Variants in DAB1 observed in about 807,000 individuals in gnomAD.
DAB1 encodes the protein disabled homolog 1.
Under a neutral mutation model 64.6 loss-of-function variants are expected in DAB1, and 15 were observed. That is an observed-to-expected ratio of 0.23 (90% confidence interval 0.16 to 0.36). The LOEUF is 0.36. Among genes scored for constraint, DAB1 ranks in the 10% least tolerant of loss-of-function variants. The probability of loss-of-function intolerance (pLI) is 1.00; values close to 1 mark genes in which losing one functional copy is unlikely to be tolerated. For missense variants in DAB1, 596 were observed against 706.7 expected, an observed-to-expected ratio of 0.84 and a Z score of 1.78; for synonymous variants, 235 against 251.9, an observed-to-expected ratio of 0.93 and a Z score of 0.64.
intron 5 of DAB1, among the ~76,000 whole-genome samples, chr1:57,896,936 A>T (rs1313717123): frequency 6.6e-6 from 1 of 152,122 alleles, no homozygotes; most frequent in Non-Finnish European, 1.5e-5. Context: ...AGATGTCAAC[A>T]CTCTCATTAT....
At position 57,071,465 on chromosome 1, in the gene DAB1, T is replaced by A. The variant is rs759508268; in HGVS notation, c.558+57A>T. 3.8e-6 allele frequency: 6 copies of A among 1,578,040 alleles called. No homozygotes were observed. In the Admixed American group the frequency reaches 1.2e-4, roughly 32 times the overall value. ...AAGAGAAGGCCTGACTGTCAGTTTTTACATGTGTTTATTTGAAGGCCCGAT... is the reference window on the plus strand; with the variant it reads ...AAGAGAAGGCCTGACTGTCAGTTTTAACATGTGTTTATTTGAAGGCCCGAT... On this transcript the variant is annotated intron_variant, in intron 6 of 14. Coordinates refer to ENST00000371236, the MANE Select transcript of DAB1 (RefSeq NM_001365792.1).
chr1:57,703,403 A>C (rs2101733650), intron 6 of DAB1, among the ~76,000 whole-genome samples: 1 of 152,350 alleles, frequency 6.6e-6, no homozygotes, highest in South Asian at 2.1e-4. Flanking sequence ...TCAAAAGAAG[A>C]CATACATGCA....
intron 1 of DAB1, among the ~76,000 whole-genome samples, chr1:57,852,932 T>C (rs1653597810): frequency 6.6e-6 from 1 of 152,130 alleles, no homozygotes. Flanking sequence ...TTGTGCTCAA[T>C]AGATATCTGT....
At chr1:57,593,002 A>G (rs1220215794) in intron 7 of DAB1, among the ~76,000 whole-genome samples, 2 of 152,204 alleles carry the variant, frequency 1.3e-5, no homozygotes, top group East Asian at 3.8e-4. Context: ...GACACAGTTC[A>G]GTCCATAACA....
intron 4 of DAB1, among the ~76,000 whole-genome samples, chr1:57,121,976 C>T (rs1463536068): frequency 6.6e-6 from 1 of 152,012 alleles, no homozygotes; most frequent in East Asian, 1.9e-4. Flanking sequence ...TTTTCATAGC[C>T]CCTCCGATAT....
chr1:57,563,378 G>A (rs1054292045), intron 7 of DAB1, among the ~76,000 whole-genome samples: 10 of 152,200 alleles, frequency 6.6e-5, no homozygotes, highest in Non-Finnish European at 7.3e-5. Flanking sequence ...CAGAAGACGG[G>A]TGATTTCTGC....
chr1:58,056,598 T>C, intron 5 of DAB1: 1 of 684,296 alleles, frequency 1.5e-6, no homozygotes, highest in South Asian at 1.6e-5. Flanking sequence ...TTCTCATCAA[T>C]GCCCCAGTGC....
At chr1:57,068,146 C>T (rs1215401564) in intron 8 of DAB1, among the ~76,000 whole-genome samples, 2 of 150,734 alleles carry the variant, frequency 1.3e-5, no homozygotes, top group Non-Finnish European at 3.0e-5. Flanking sequence ...TGCAAAGCTT[C>T]CTTTTATTTA....
chr1:58,020,712 AG>A (rs1646803115), intron 5 of DAB1, among the ~76,000 whole-genome samples: 1 of 152,184 alleles, frequency 6.6e-6, no homozygotes, highest in South Asian at 2.1e-4. Flanking sequence ...CCTCTTAGGA[AG>A]AAAAGACCAG....
chr1:58,280,310 AG>A (rs1468384723), intron 4 of DAB1, among the ~76,000 whole-genome samples: 1 of 152,182 alleles, frequency 6.6e-6, no homozygotes, highest in Non-Finnish European at 1.5e-5. Flanking sequence ...ATTTAGCAGA[AG>A]GGCTGAAGCT....
chr1:57,038,930 A>T (rs1344958596), intron 9 of DAB1, among the ~76,000 whole-genome samples: 1 of 152,210 alleles, frequency 6.6e-6, no homozygotes, highest in African/African-American at 2.4e-5. Flanking sequence ...AGCTGACCTG[A>T]ACGGGCTAAC....
chr1:57,282,907 A>G (rs1334390936), intron 2 of DAB1, among the ~76,000 whole-genome samples: 1 of 152,240 alleles, frequency 6.6e-6, no homozygotes, highest in Non-Finnish European at 1.5e-5. Context: ...GTAGCTAATC[A>G]GTTTCTATGC....
At chr1:57,667,178 G>T (rs1216656404) in intron 6 of DAB1, among the ~76,000 whole-genome samples, 2 of 152,278 alleles carry the variant, frequency 1.3e-5, no homozygotes, top group African/African-American at 4.8e-5. Flanking sequence ...CTCCCTCACT[G>T]TGTTGAAATC....
rs563799726 is a variant in DAB1 at position 57,093,184 on chromosome 1, C to T, written c.307-20770G>A. Among the ~76,000 whole-genome samples, 18 of 152,298 alleles carry T rather than the reference C, an allele frequency of 1.2e-4. No homozygotes were observed. The South Asian group carries it at 3.7e-3, about 32-fold the overall frequency. On this transcript the variant is annotated intron_variant, in intron 4 of 14. Transcript: ENST00000371236. ...CTGGACCTGGGTTCTGGTGGGGTTT[C>T]AGGCAGAGGCAGGTGGCTGCTCGTC...
At chr1:57,078,699 G>C (rs1652209495) in intron 4 of DAB1, among the ~76,000 whole-genome samples, 1 of 152,146 alleles carries the variant, frequency 6.6e-6, no homozygotes, top group South Asian at 2.1e-4. Context: ...ATAAAGGTTG[G>C]TACCTGTCAG....
chr1:58,266,851 C>T (rs899822748), intron 4 of DAB1, among the ~76,000 whole-genome samples: 2 of 152,162 alleles, frequency 1.3e-5, no homozygotes, highest in African/African-American at 4.8e-5. Context: ...GTCTAACAAG[C>T]TGTAGTCCGT....
chr1:57,774,408 A>T (rs1471349440), intron 6 of DAB1, among the ~76,000 whole-genome samples: 1 of 151,768 alleles, frequency 6.6e-6, no homozygotes, highest in South Asian at 2.1e-4. Flanking sequence ...CTTTCTTTTC[A>T]GCCTTATGCC....
chr1:57,675,304 G>A (rs1256109946), intron 6 of DAB1, among the ~76,000 whole-genome samples: 4 of 152,186 alleles, frequency 2.6e-5, no homozygotes, highest in Admixed American at 6.6e-5. Flanking sequence ...AAATAAGGGC[G>A]AAGGTAGGTT....
chr1:57,275,642 G>T (rs2100608362), intron 2 of DAB1, among the ~76,000 whole-genome samples: 1 of 152,264 alleles, frequency 6.6e-6, no homozygotes, highest in Middle Eastern at 3.4e-3. Flanking sequence ...AAGTTGATAA[G>T]CTGAGGTTAA....
Sources: allele counts gnomAD v4.1 joint callset (sites outside exome capture counted in the v4.1 genomes callset), GRCh38; gene constraint gnomAD v4.1.1; transcripts MANE v1.5; gene names NCBI Gene and HGNC (gene_info 2026-07-23, HGNC 2026-07-21).